The following UBN2 variants were observed in gnomAD, a reference collection of about 807,000 sequenced individuals.
UBN2 encodes the protein ubinuclein 2.
A neutral mutation model predicts 120.2 loss-of-function variants in UBN2; 35 were observed. The ratio of observed to expected loss-of-function variants is 0.29; its 90% CI spans 0.22 to 0.39. UBN2 has a LOEUF of 0.39. Ranked by LOEUF, UBN2 falls within the 10% of genes least tolerant of loss-of-function variation. The pLI is 1.00. For synonymous variants in UBN2, 661 were observed against 648.7 expected (o/e 1.02, Z -0.29); for missense variants, 1,693 against 1,663.2 (o/e 1.02, Z -0.31).
chr7:139,266,883 A>G (rs1051692173), intron 7 of UBN2, among the ~76,000 whole-genome samples: 3 of 152,214 alleles, frequency 2.0e-5, no homozygotes, highest in African/African-American at 7.2e-5. Flanking sequence ...GTTGTGAGGT[A>G]GGATAGAGAT....
chr7:139,326,587 C>G, the UBN2 span, among the ~76,000 whole-genome samples: 1 of 152,204 alleles, frequency 6.6e-6, no homozygotes. Context: ...TCCTTAGCAC[C>G]TAGAAGAGTG....
Position 139,283,387 on chromosome 7 carries a change from C to T in UBN2, c.2482C>T (p.His828Tyr). 6.2e-7 allele frequency: 1 copy of T among 1,614,046 alleles called. No homozygotes were observed. The highest frequency in any genetic ancestry group is 8.5e-7 in the Non-Finnish European group (1 of 1,180,022). The change falls in exon 15 of 18, where the codon CAT (histidine) becomes TAT (tyrosine). Residue 828 changes from histidine to tyrosine, a missense_variant. Physicochemically the swap from His to Tyr is moderately conservative, Grantham distance 83. This residue lies in a region of UBN2 where 837 missense variants were observed against 817.6 expected (regional missense o/e 1.02). Coordinates refer to ENST00000473989, the MANE Select transcript of UBN2 (RefSeq NM_173569.4). ...AAAACTAGATTCTACTCAGACTACA[C>T]ATTCTTCAAGTCTTATTGCTGGTCA... The part of the protein sequence containing the change: ...PKKLDSTQTT[H>Y]SSSLIAGHTG...
intron 2 of UBN2, among the ~76,000 whole-genome samples, chr7:139,245,369 TG>T (rs956106879): frequency 1.2e-4 from 19 of 152,200 alleles, no homozygotes; most frequent in African/African-American, 4.3e-4. Flanking sequence ...GGAAGCATTT[TG>T]GTCAGATTAA....
chr7:139,261,439 C>G lies in UBN2; in HGVS notation c.1093C>G (p.Leu365Val). The G allele has an allele frequency of 2.5e-6, 4 of 1,614,244 alleles. No homozygotes were observed. Residue 365 changes from leucine to valine, a missense_variant, in exon 6 of 18, where the codon CTG becomes GTG. Leu to Val is a conservative substitution (Grantham distance 32, BLOSUM62 1). Transcript: ENST00000473989. ...LNKPPCAAAA[L>V]GNDVPDLNLS... ...TAAACCCCCATGTGCTGCTGCAGCA[C>G]TGGGGAATGACGTCCCGGACTTAAA... is the stretch of plus-strand genomic sequence containing the variant.
rs1796175124 is a variant in UBN2, at chr7:139,236,832, A to G, written c.469-173A>G. On this transcript the variant is annotated intron_variant, in intron 1 of 17. Coordinates refer to ENST00000473989, the MANE Select transcript of UBN2 (RefSeq NM_173569.4). The stretch of plus-strand genomic sequence containing the variant: ...TTTAAGATATAGTCTCTGAGTAATA[A>G]TATAATTAATTATATAACATGTTAT... Among the ~76,000 whole-genome samples the G allele has an allele frequency of 2.0e-5, 3 of 152,048 alleles. No homozygotes were observed. In the South Asian group the frequency reaches 6.2e-4, roughly 31 times the overall value.
At position 139,297,941 on chromosome 7, in the gene UBN2, C is replaced by T; in HGVS notation, c.*105C>T. 1 of 1,265,392 alleles carries T rather than the reference C, an allele frequency of 7.9e-7. No homozygotes were observed. The highest frequency in any genetic ancestry group is 1.1e-6 in the Non-Finnish European group (1 of 873,688). The allele number at this position is 1,265,392 out of a possible 1,614,324, so 78.4% of individuals were successfully genotyped here. ...GGGCTGCTGTTTCTGTCGATGTTTA[C>T]ATTCTCTCGTCCCAAGCACTGTGGT... On this transcript the variant is annotated 3_prime_UTR_variant, in exon 18 of 18. Coordinates refer to ENST00000473989, the MANE Select transcript of UBN2 (RefSeq NM_173569.4).
intron 16 of UBN2, 181 bp downstream of exon 16, chr7:139,293,644 TAC>T: frequency 1.5e-6 from 1 of 650,058 alleles, no homozygotes. Flanking sequence ...GGGTTTTATA[TAC>T]AGTTTTTAAG....
In UBN2 at chr7:139,259,284, A is replaced by T. The variant is rs970445974; in HGVS notation, c.819A>T (p.Glu273Asp). ...TTTTGCAGGTCCCCAAAATAAAAGA[A>T]GATGATATTGAGATGAAGAAGCGGA... ...HKPPKVPKIK[E>D]DDIEMKKRKR... Residue 273 changes from glutamate (E) to aspartate (D), a missense_variant, in exon 5 of 18, where the codon GAA (glutamate) becomes GAT (aspartate). Physicochemically the swap from Glu to Asp is conservative, Grantham distance 45. Coordinates refer to ENST00000473989, the MANE Select transcript of UBN2 (RefSeq NM_173569.4). 1.2e-6 allele frequency: 2 copies of T among 1,613,358 alleles called. No homozygotes were observed. Among genetic ancestry groups the T allele is most frequent in the African/African-American group, 1.3e-5 (1 of 74,940 alleles).
At chr7:139,255,102 A>G (rs189568983) in intron 3 of UBN2, among the ~76,000 whole-genome samples, 15 of 152,298 alleles carry the variant, frequency 9.8e-5, no homozygotes, top group Non-Finnish European at 1.6e-4. Context: ...TGCTCTGCCT[A>G]TTCATTCCTC....
intron 2 of UBN2, among the ~76,000 whole-genome samples, chr7:139,243,380 G>T (rs1796374671): frequency 6.6e-6 from 1 of 152,106 alleles, no homozygotes; most frequent in South Asian, 2.1e-4. Context: ...CAACTGCAGA[G>T]GTTCAGAGAA....
Position 139,269,409 on chromosome 7 carries a change from A to G in UBN2, c.1482A>G (p.Leu494=), listed in dbSNP as rs1395120687. 3 of 1,613,936 alleles carry G rather than the reference A, an allele frequency of 1.9e-6. No homozygotes were observed. Among genetic ancestry groups the G allele is most frequent in the Non-Finnish European group, 2.5e-6 (3 of 1,180,006 alleles). The change falls in exon 8 of 18, where the codon CTA becomes CTG. Residue 494 remains leucine, a synonymous_variant. Transcript: ENST00000473989. ...NNILLDIELQ[L]QELGPVIRSG... Reference sequence around the variant, plus strand: ...TTTTGGCCAGCATTGAGTTACAGCTACAAGAACTAGGCCCTGTCATTCGCA... The same window carrying G: ...TTTTGGCCAGCATTGAGTTACAGCTGCAAGAACTAGGCCCTGTCATTCGCA...
At chr7:139,327,155 T>A in the UBN2 span, among the ~76,000 whole-genome samples, 63 of 152,322 alleles carry the variant, frequency 4.1e-4, 1 homozygote, top group Middle Eastern at 3.4e-3. Flanking sequence ...TGCCTCAGCC[T>A]CCTGAGTAGC....
intron 2 of UBN2, among the ~76,000 whole-genome samples, chr7:139,238,644 A>G (rs1401792070): frequency 6.6e-6 from 1 of 152,030 alleles, no homozygotes; most frequent in African/African-American, 2.4e-5. Flanking sequence ...CTGGTCTCGA[A>G]CTCCTGACCT....
chr7:139,240,475 T>C (rs1796292150), intron 2 of UBN2, among the ~76,000 whole-genome samples: 1 of 147,288 alleles, frequency 6.8e-6, no homozygotes, highest in South Asian at 2.1e-4. Context: ...TAAATAATTA[T>C]TTGGAATCTT....
At chr7:139,312,345 G>A (rs190318852), downstream of UBN2, among the ~76,000 whole-genome samples, 93 of 152,280 alleles carry the variant, frequency 6.1e-4, no homozygotes, top group African/African-American at 2.2e-3. Context: ...ATACATCCAC[G>A]TTGCTATGCG....
chr7:139,250,095 G>A (rs1400467899), intron 2 of UBN2, among the ~76,000 whole-genome samples: 2 of 152,114 alleles, frequency 1.3e-5, no homozygotes, highest in Non-Finnish European at 2.9e-5. Context: ...GAAAATTTAA[G>A]ATGGGTACCA....
chr7:139,271,460 C>G (rs1296559950), intron 8 of UBN2, among the ~76,000 whole-genome samples: 1 of 152,038 alleles, frequency 6.6e-6, no homozygotes, highest in African/African-American at 2.4e-5. Flanking sequence ...GTGGCACACA[C>G]CTGTAGTCCC....
intron 1 of UBN2, among the ~76,000 whole-genome samples, chr7:139,233,657 T>G (rs888542742): frequency 2.0e-5 from 3 of 152,168 alleles, no homozygotes; most frequent in Non-Finnish European, 2.9e-5. Context: ...ACTCATATAG[T>G]TTAGAGGATT....
At position 139,259,422 on chromosome 7, in the gene UBN2, C is replaced by G. The variant is rs1225903623; in HGVS notation, c.905+52C>G. The G allele has an allele frequency of 4.4e-6, 7 of 1,597,818 alleles. No individual in the cohort carries two copies. The Admixed American group carries it at 7.2e-5, about 17-fold the overall frequency. On this transcript the variant is annotated intron_variant, in intron 5 of 17. Transcript: ENST00000473989. ...AACTGGCGTCACAGTCTGACTGTCT[C>G]TCCCTTTAGAAAGATATACTTACCA...
Sources: gnomAD v4.1 joint callset for allele counts (sites outside exome capture counted in the v4.1 genomes callset) on GRCh38, gnomAD v4.1.1 for gene constraint, gnomAD v4.1.1 regional missense constraint, MANE v1.5 for transcripts, NCBI Gene and HGNC (gene_info 2026-07-23, HGNC 2026-07-21) for gene names.